Variants in RFX4 observed in about 807,000 individuals in gnomAD.
RFX4 encodes the protein regulatory factor X4.
In RFX4, 10 loss-of-function variants were observed where a neutral mutation model predicts 95.0. That is an observed-to-expected ratio of 0.11 (90% CI 0.06 to 0.18). RFX4 has a LOEUF of 0.18. RFX4 is among the 10% of genes least tolerant of loss of function. The probability of loss-of-function intolerance (pLI) is 1.00; values close to 1 mark genes in which losing one functional copy is unlikely to be tolerated. For missense variants in RFX4, 640 were observed against 922.0 expected (o/e 0.69, Z 3.96); for synonymous variants, 321 against 340.7 (o/e 0.94, Z 0.64).
At chr12:106,689,184 C>T in intron 6 of RFX4, 103 bp from the exon 7 acceptor site, 1 of 933,914 alleles carries the variant, frequency 1.1e-6, no homozygotes, top group South Asian at 1.3e-5. Flanking sequence ...TGAATTGCAT[C>T]CCCCCCACAG....
intron 8 of RFX4, among the ~76,000 whole-genome samples, chr12:106,704,979 A>C (rs1565987311): frequency 1.3e-5 from 2 of 152,196 alleles, no homozygotes; most frequent in Non-Finnish European, 2.9e-5. Flanking sequence ...GCAGCAAGGC[A>C]TGTCAAAGTG....
At chr12:106,643,050 A>G (rs1038858581) in intron 3 of RFX4, among the ~76,000 whole-genome samples, 4 of 152,226 alleles carry the variant, frequency 2.6e-5, no homozygotes, top group African/African-American at 9.6e-5. Flanking sequence ...GGAGATGGCC[A>G]GTTAAAAATG....
At chr12:106,607,902 C>G (rs1030350042) in intron 1 of RFX4, among the ~76,000 whole-genome samples, 1 of 152,040 alleles carries the variant, frequency 6.6e-6, no homozygotes, top group Admixed American at 6.6e-5. Flanking sequence ...TTTAAAAGGG[C>G]TACATAGTGG....
intron 1 of RFX4, among the ~76,000 whole-genome samples, chr12:106,597,022 TAACA>T (rs1404253797): frequency 1.3e-5 from 2 of 152,258 alleles, no homozygotes; most frequent in African/African-American, 2.4e-5. Context: ...ACAGATTAAC[TAACA>T]CTCTTTGGAT....
intron 1 of RFX4, among the ~76,000 whole-genome samples, chr12:106,593,656 A>C (rs1453538908): frequency 6.6e-6 from 1 of 152,216 alleles, no homozygotes; most frequent in African/African-American, 2.4e-5. Context: ...CTTTTGAAGA[A>C]GGAAGTGTTT....
intron 15 of RFX4, among the ~76,000 whole-genome samples, chr12:106,742,466 C>A (rs1038936846): frequency 2.0e-5 from 3 of 152,108 alleles, no homozygotes; most frequent in African/African-American, 7.2e-5. Flanking sequence ...TATAGGCATG[C>A]GACACTGCGC....
At chr12:106,689,165 G>T in intron 6 of RFX4, 122 bp from the exon 7 acceptor site, 1 of 822,524 alleles carries the variant, frequency 1.2e-6, no homozygotes, top group South Asian at 1.4e-5. Flanking sequence ...AGGCTGAGCC[G>T]GTGTTAGGTG....
intron 1 of RFX4, among the ~76,000 whole-genome samples, chr12:106,591,003 A>T (rs1051240809): frequency 3.3e-5 from 5 of 151,992 alleles, no homozygotes; most frequent in Admixed American, 6.6e-5. Context: ...AAGAAAAATT[A>T]AAAAAAGAAA....
At chr12:106,626,987 C>T (rs1341059342) in intron 2 of RFX4, among the ~76,000 whole-genome samples, 1 of 152,176 alleles carries the variant, frequency 6.6e-6, no homozygotes, top group African/African-American at 2.4e-5. Context: ...GAATGAGGCT[C>T]TTCCTCTCCT....
chr12:106,586,160 C>T lies in RFX4; in HGVS notation c.43+2797C>T, dbSNP rs991594091. ...CCAGCTTGCCGCGCGCCGCGGTGCT[C>T]CGGCAGGAGGCAAAGGCGACAGGCG... On this transcript the variant is annotated intron_variant, in intron 1 of 17. Transcript: ENST00000392842. This position sits in a 1 kb window ranked among gnomAD's most constrained non-coding sequence, Gnocchi z 5.6. Among the ~76,000 whole-genome samples, 2 of 152,146 alleles carry T rather than the reference C, an allele frequency of 1.3e-5. No individual in the cohort carries two copies. The highest frequency in any genetic ancestry group is 2.4e-5 in the African/African-American group (1 of 41,452).
At chr12:106,685,228 A>T (rs2041618980) in intron 5 of RFX4, among the ~76,000 whole-genome samples, 1 of 151,666 alleles carries the variant, frequency 6.6e-6, no homozygotes, top group Non-Finnish European at 1.5e-5. Context: ...TTCTTCTTTT[A>T]GTCCTAGCTA....
chr12:106,651,592 G>A (rs956195090), intron 3 of RFX4, among the ~76,000 whole-genome samples: 1 of 152,090 alleles, frequency 6.6e-6, no homozygotes, highest in Non-Finnish European at 1.5e-5. Context: ...ATTATTTCTT[G>A]TGCATATGTC....
At chr12:106,611,338 C>G (rs2039957305) in intron 2 of RFX4, among the ~76,000 whole-genome samples, 1 of 150,716 alleles carries the variant, frequency 6.6e-6, no homozygotes, top group African/African-American at 2.4e-5. Context: ...ACTATTTTTT[C>G]TTTTGTTGTC....
At chr12:106,634,354 C>T (rs577730153) in intron 2 of RFX4, among the ~76,000 whole-genome samples, 1 of 152,258 alleles carries the variant, frequency 6.6e-6, no homozygotes, top group South Asian at 2.1e-4. Flanking sequence ...AGCAGCAGAT[C>T]CCAGCAGACA....
intron 4 of RFX4, among the ~76,000 whole-genome samples, chr12:106,669,837 GGGGTGTGTGT>G (rs1303134710): frequency 1.3e-4 from 7 of 54,486 alleles, no homozygotes; most frequent in South Asian, 7.7e-4. Flanking sequence ...GTTTTTTCTA[GGGGTGTGTGT>G]GTGTGTGTGT....
At chr12:106,665,206 C>T (rs2041152432) in intron 4 of RFX4, among the ~76,000 whole-genome samples, 1 of 151,824 alleles carries the variant, frequency 6.6e-6, no homozygotes, top group African/African-American at 2.4e-5. Context: ...ATTGTGTCTT[C>T]TTGGAGATTG....
intron 4 of RFX4, among the ~76,000 whole-genome samples, chr12:106,666,573 CT>C (rs2041181053): frequency 1.3e-5 from 2 of 152,150 alleles, no homozygotes; most frequent in Admixed American, 1.3e-4. Context: ...TAATTGCCCC[CT>C]AGTCCTTGGA....
chr12:106,741,505 T>TTAAG (rs1055436398), intron 15 of RFX4, among the ~76,000 whole-genome samples: 1 of 152,226 alleles, frequency 6.6e-6, no homozygotes, highest in African/African-American at 2.4e-5. Context: ...CCTGTGGCTA[T>TTAAG]TAAGCACTTC....
intron 9 of RFX4, among the ~76,000 whole-genome samples, chr12:106,711,186 C>G (rs1312297217): frequency 6.6e-6 from 1 of 152,188 alleles, no homozygotes; most frequent in Non-Finnish European, 1.5e-5. Context: ...ATTGACGCCA[C>G]CATTTCTCAC....
Sources: gnomAD v4.1 joint callset for allele counts (sites outside exome capture counted in the v4.1 genomes callset) on GRCh38, gnomAD v4.1.1 for gene constraint, Gnocchi (gnomAD v3.1) non-coding constraint, MANE v1.5 for transcripts, NCBI Gene and HGNC (gene_info 2026-07-23, HGNC 2026-07-21) for gene names.